CSGALNACT1: variants seen among roughly 807,000 people sequenced by gnomAD.
The protein encoded by CSGALNACT1 is beta4GalNAcT-1.
Under a neutral mutation model 51.0 loss-of-function variants are expected in CSGALNACT1, and 52 were observed. That is an observed-to-expected ratio of 1.02 (90% confidence interval 0.82 to 1.29). The LOEUF (loss-of-function observed/expected upper bound fraction) is 1.29, where lower values mean the gene tolerates loss of function less well. Among genes scored for constraint, CSGALNACT1 ranks in the 50% most tolerant of loss-of-function variants. The pLI is 0.00. For synonymous variants in CSGALNACT1, 341 were observed against 254.4 expected (o/e 1.34, Z -3.24); for missense variants, 935 against 679.2 (o/e 1.38, Z -4.19).
intron 3 of CSGALNACT1, among the ~76,000 whole-genome samples, chr8:19,550,676 C>T (rs2087793601): frequency 6.6e-6 from 1 of 152,104 alleles, no homozygotes; most frequent in Admixed American, 6.6e-5. Context: ...TAAGTGATGT[C>T]ACTGGGTGAG....
chr8:19,588,791 G>C (rs983271758), intron 3 of CSGALNACT1, among the ~76,000 whole-genome samples: 8 of 152,210 alleles, frequency 5.3e-5, no homozygotes, highest in African/African-American at 1.9e-4. Flanking sequence ...GGGGATGCGA[G>C]AGGGCAGAAG....
intron 4 of CSGALNACT1, among the ~76,000 whole-genome samples, chr8:19,477,385 C>T (rs757015002): frequency 2.0e-5 from 3 of 152,290 alleles, no homozygotes; most frequent in Non-Finnish European, 2.9e-5. Context: ...CAACTGAGCA[C>T]GGCTATAATG....
rs796808023 is a variant in CSGALNACT1 at position 19,461,666 on chromosome 8, C to T, written c.635-3024G>A. Among the ~76,000 whole-genome samples the T allele has an allele frequency of 3.7e-5, 3 of 80,186 alleles. 1 individual carries two copies. The highest frequency in any genetic ancestry group is 5.6e-5 in the Non-Finnish European group (2 of 35,520). The allele number at this position is 80,186 out of a possible 152,430, so 52.6% of individuals were successfully genotyped here. ...CCACATTCACCATGGGGGGCGTATC[C>T]GCACAGCGGCCACATTCACCATGGG... On this transcript the variant is annotated intron_variant, in intron 4 of 9. Coordinates refer to ENST00000454498, the Ensembl canonical transcript of CSGALNACT1.
intron 1 of CSGALNACT1, among the ~76,000 whole-genome samples, chr8:19,617,908 C>G (rs539614078): frequency 6.6e-6 from 1 of 152,176 alleles, no homozygotes; most frequent in East Asian, 1.9e-4. Flanking sequence ...GAGACAGATT[C>G]TCTCTCCATC....
chr8:19,427,926 C>A (rs1378082299), intron 6 of CSGALNACT1, among the ~76,000 whole-genome samples: 1 of 152,186 alleles, frequency 6.6e-6, no homozygotes, highest in Non-Finnish European at 1.5e-5. Context: ...ATCAGTGTAT[C>A]TCCCTGTGCC....
At chr8:19,486,365 C>T (rs563378829) in intron 4 of CSGALNACT1, among the ~76,000 whole-genome samples, 33 of 152,272 alleles carry the variant, frequency 2.2e-4, no homozygotes, top group African/African-American at 7.7e-4. Context: ...ATTCTCAACA[C>T]AACCTCCAGA....
intron 1 of CSGALNACT1, among the ~76,000 whole-genome samples, chr8:19,631,152 T>C (rs1029685426): frequency 2.0e-5 from 3 of 152,240 alleles, no homozygotes; most frequent in Non-Finnish European, 4.4e-5. Context: ...TGAATAAAGT[T>C]GCTATAAGCA....
intron 1 of CSGALNACT1, among the ~76,000 whole-genome samples, chr8:19,712,089 G>A (rs868003354): frequency 8.5e-5 from 13 of 152,054 alleles, no homozygotes; most frequent in African/African-American, 2.4e-4. Flanking sequence ...GCAGTGGCGC[G>A]ATCTCGGCTC....
chr8:19,464,615 T>C (rs1386554796), intron 4 of CSGALNACT1, among the ~76,000 whole-genome samples: 1 of 151,980 alleles, frequency 6.6e-6, no homozygotes, highest in Non-Finnish European at 1.5e-5. Context: ...GAGCAGTGGG[T>C]GAGTGAGCAT....
At chr8:19,471,425 A>T (rs991621453) in intron 4 of CSGALNACT1, among the ~76,000 whole-genome samples, 1 of 151,754 alleles carries the variant, frequency 6.6e-6, no homozygotes, top group Non-Finnish European at 1.5e-5. Flanking sequence ...TCAGGTACCC[A>T]CTTGGGTCTC....
At chr8:19,643,584 G>A (rs1356541967) in intron 1 of CSGALNACT1, among the ~76,000 whole-genome samples, 1 of 151,092 alleles carries the variant, frequency 6.6e-6, no homozygotes, top group Non-Finnish European at 1.5e-5. Context: ...GTTGCAGTAA[G>A]CCAAGACTGC....
At chr8:19,673,035 A>G (rs1347919324) in intron 1 of CSGALNACT1, among the ~76,000 whole-genome samples, 2 of 152,228 alleles carry the variant, frequency 1.3e-5, no homozygotes, top group Non-Finnish European at 2.9e-5. Context: ...GTGAAATCAA[A>G]GAGCCATCTC....
intron 3 of CSGALNACT1, among the ~76,000 whole-genome samples, chr8:19,582,155 TG>T (rs1241506394): frequency 1.3e-5 from 2 of 152,216 alleles, no homozygotes; most frequent in African/African-American, 4.8e-5. Flanking sequence ...AGGAGGGCCG[TG>T]GCTATAACTA....
chr8:19,529,299 G>T (rs1474790717), intron 3 of CSGALNACT1, among the ~76,000 whole-genome samples: 1 of 152,154 alleles, frequency 6.6e-6, no homozygotes, highest in Non-Finnish European at 1.5e-5. Context: ...GAGTGAGAGT[G>T]AGTGAGCAGT....
intron 3 of CSGALNACT1, among the ~76,000 whole-genome samples, chr8:19,557,275 C>T (rs1053640171): frequency 6.6e-6 from 1 of 152,186 alleles, no homozygotes; most frequent in Non-Finnish European, 1.5e-5. Context: ...GATCTCTTGC[C>T]TTAAAACTGT....
rs957060838 is a variant in CSGALNACT1, at chr8:19,486,137, A to C, written c.634+19064T>G. On this transcript the variant is annotated intron_variant, in intron 4 of 9. Coordinates refer to ENST00000454498, the Ensembl canonical transcript of CSGALNACT1. ...AGAGTCTCTTTGGGAGAAAAAAAAA[A>C]CAAAAAAAACAGCCACAGATGCTTC... Among the ~76,000 whole-genome samples, 8 of 151,830 alleles carry C rather than the reference A, an allele frequency of 5.3e-5. 1 individual carries two copies. The South Asian group carries it at 8.3e-4, about 16-fold the overall frequency.
At chr8:19,653,153 CAGTT>C (rs2057968040) in intron 1 of CSGALNACT1, among the ~76,000 whole-genome samples, 1 of 152,180 alleles carries the variant, frequency 6.6e-6, no homozygotes, top group African/African-American at 2.4e-5. Context: ...AGTATCCACT[CAGTT>C]AACCCAACCA....
chr8:19,750,254 G>C (rs1304540542), intron 1 of CSGALNACT1, among the ~76,000 whole-genome samples: 2 of 152,058 alleles, frequency 1.3e-5, no homozygotes, highest in African/African-American at 4.8e-5. Context: ...CATCCTCTTT[G>C]GCCAGCTTAG....
At chr8:19,698,201 A>G (rs141481811) in intron 1 of CSGALNACT1, among the ~76,000 whole-genome samples, 8 of 152,316 alleles carry the variant, frequency 5.3e-5, no homozygotes, top group Admixed American at 1.3e-4. Flanking sequence ...AATTTGTCCA[A>G]GGTCCCTCAA....
Sources: gnomAD v4.1 joint callset for allele counts (sites outside exome capture counted in the v4.1 genomes callset) on GRCh38, gnomAD v4.1.1 for gene constraint, MANE v1.5 for transcripts, NCBI Gene and HGNC (gene_info 2026-07-23, HGNC 2026-07-21) for gene names.